The following ERICH6 variants were observed in gnomAD, a reference collection of about 807,000 sequenced individuals.
ERICH6 encodes glutamate rich 6.
A neutral mutation model predicts 71.0 loss-of-function variants in ERICH6; 71 were observed. That is an observed-to-expected ratio of 1.00 (90% CI 0.83 to 1.22). The LOEUF is 1.22. ERICH6 is among the 50% of genes most tolerant of loss of function. The probability of loss-of-function intolerance (pLI) is 0.00; values close to 1 mark genes in which losing one functional copy is unlikely to be tolerated. For missense variants in ERICH6, 808 were observed against 797.2 expected (o/e 1.01, Z -0.16); for synonymous variants, 262 against 278.4 (o/e 0.94, Z 0.59).
chr3:150,667,332 A>G (rs1472091622), intron 12 of ERICH6, among the ~76,000 whole-genome samples: 1 of 152,190 alleles, frequency 6.6e-6, no homozygotes, highest in Non-Finnish European at 1.5e-5. Context: ...AGAAGAGTAG[A>G]TTAATCCTGA....
Position 150,672,029 on chromosome 3 carries a change from G to T in ERICH6, c.1343+1927C>A, listed in dbSNP as rs564548663. Among the ~76,000 whole-genome samples the T allele has an allele frequency of 7.2e-5, 11 of 152,178 alleles. No homozygotes were observed. In the South Asian group the frequency reaches 2.3e-3, roughly 32 times the overall value. On this transcript the variant is annotated intron_variant, in intron 11 of 13. Coordinates refer to ENST00000295910, the MANE Select transcript of ERICH6 (RefSeq NM_152394.5). Reference sequence around the variant, plus strand: ...GCTGTTGTGTATAATAGCAAAAATTGTGAAACCACTTTTGTTCAGTAATAG... The same window carrying T: ...GCTGTTGTGTATAATAGCAAAAATTTTGAAACCACTTTTGTTCAGTAATAG...
intron 11 of ERICH6, among the ~76,000 whole-genome samples, chr3:150,672,753 A>G (rs1421551169): frequency 6.6e-6 from 1 of 151,572 alleles, no homozygotes; most frequent in East Asian, 1.9e-4. Flanking sequence ...GGCCAGACAC[A>G]GTGGCTCACA....
intron 3 of ERICH6, among the ~76,000 whole-genome samples, chr3:150,692,176 ATATCT>A (rs1176906594): frequency 9.9e-5 from 15 of 152,198 alleles, no homozygotes; most frequent in South Asian, 8.3e-4. Context: ...TATGGAAGTT[ATATCT>A]TATCTTATAT....
intron 3 of ERICH6, among the ~76,000 whole-genome samples, chr3:150,690,917 T>A (rs1712407750): frequency 6.6e-6 from 1 of 152,236 alleles, no homozygotes; most frequent in Admixed American, 6.5e-5. Flanking sequence ...CCATAACTTC[T>A]AATCTTGTGG....
intron 2 of ERICH6, among the ~76,000 whole-genome samples, chr3:150,699,140 A>G (rs973482496): frequency 1.3e-5 from 2 of 151,936 alleles, no homozygotes; most frequent in African/African-American, 4.8e-5. Flanking sequence ...GTGAGACCCT[A>G]TCTCTATAAA....
intron 3 of ERICH6, among the ~76,000 whole-genome samples, chr3:150,693,892 C>T (rs773468702): frequency 6.6e-6 from 1 of 152,110 alleles, no homozygotes; most frequent in Non-Finnish European, 1.5e-5. Flanking sequence ...TTTCTTCCCC[C>T]ATTTTCCCCA....
At chr3:150,681,995 A>C (rs1559915816) in intron 7 of ERICH6, among the ~76,000 whole-genome samples, 1 of 151,596 alleles carries the variant, frequency 6.6e-6, no homozygotes, top group Non-Finnish European at 1.5e-5. Context: ...TTTGTATTTT[A>C]GTAGACACAG....
intron 2 of ERICH6, among the ~76,000 whole-genome samples, chr3:150,699,822 TA>T (rs1032334371): frequency 3.3e-5 from 5 of 150,764 alleles, no homozygotes; most frequent in Admixed American, 6.6e-5. Context: ...AATCCTCCAA[TA>T]AAAAAATTCT....
chr3:150,674,168 T>C (rs529749282), intron 10 of ERICH6, 127 bp from the exon 11 acceptor site: 4 of 695,324 alleles, frequency 5.8e-6, no homozygotes, highest in Admixed American at 2.8e-5. Flanking sequence ...ATGTTGGCCC[T>C]GCTTCAACAA....
intron 13 of ERICH6, among the ~76,000 whole-genome samples, chr3:150,664,962 A>G (rs1327329466): frequency 6.6e-6 from 1 of 151,880 alleles, no homozygotes; most frequent in East Asian, 1.9e-4. Context: ...TTTGATTAAA[A>G]TTAATTTCTA....
chr3:150,674,079 C>G, intron 10 of ERICH6, 38 bp from the exon 11 acceptor site: 1 of 1,568,400 alleles, frequency 6.4e-7, no homozygotes, highest in Non-Finnish European at 8.7e-7. Flanking sequence ...TTAATTGTTT[C>G]GGACATAAAG....
At chr3:150,675,825 C>T in intron 10 of ERICH6, among the ~76,000 whole-genome samples, 2 of 148,902 alleles carry the variant, frequency 1.3e-5, no homozygotes, top group African/African-American at 4.9e-5. Flanking sequence ...ACTTTTTTTC[C>T]TCTGCTACTT....
In ERICH6 at chr3:150,666,873, C is replaced by T; in HGVS notation, c.1642G>A (p.Val548Ile). Residue 548 changes from valine to isoleucine, a missense_variant, in exon 13 of 14, where the codon GTC (valine) becomes ATC (isoleucine). By Grantham distance (29) the Val-to-Ile change is conservative. Coordinates refer to ENST00000295910, the MANE Select transcript of ERICH6 (RefSeq NM_152394.5). The part of the protein sequence containing the change: ...VFLALNRYIG[V>I]RILEQDKISI... ...ATCTTGTCTTGTTCTAAGATGCGGA[C>T]TCCAATATAACGGTTCAAAGCCAGA... The T allele has an allele frequency of 1.2e-6, 2 of 1,614,132 alleles. No individual in the cohort carries two copies. Among genetic ancestry groups the T allele is most frequent in the Non-Finnish European group, 1.7e-6 (2 of 1,180,030 alleles).
At chr3:150,671,605 A>G (rs1182495559) in intron 11 of ERICH6, among the ~76,000 whole-genome samples, 1 of 152,094 alleles carries the variant, frequency 6.6e-6, no homozygotes, top group East Asian at 1.9e-4. Context: ...TTCTAGCCCT[A>G]TATGTTTATT....
intron 3 of ERICH6, among the ~76,000 whole-genome samples, chr3:150,691,576 G>A (rs1170355195): frequency 1.3e-5 from 2 of 152,094 alleles, no homozygotes; most frequent in African/African-American, 2.4e-5. Context: ...AGAAAGGGAT[G>A]TTCAGGACAA....
At chr3:150,682,103 T>A (rs1711983643) in intron 7 of ERICH6, 115 bp downstream of exon 7, 1 of 904,882 alleles carries the variant, frequency 1.1e-6, no homozygotes, top group Admixed American at 2.3e-5. Flanking sequence ...GTGTGAGCCA[T>A]CAAGCCCGGC....
chr3:150,664,493 A>G (rs1727333415), intron 13 of ERICH6, among the ~76,000 whole-genome samples: 1 of 152,098 alleles, frequency 6.6e-6, no homozygotes, highest in Non-Finnish European at 1.5e-5. Context: ...TACTAAAAAT[A>G]CAAAATTAAC....
At chr3:150,684,591 C>G (rs868475226) in intron 6 of ERICH6, among the ~76,000 whole-genome samples, 2 of 152,192 alleles carry the variant, frequency 1.3e-5, no homozygotes, top group Admixed American at 6.5e-5. Flanking sequence ...GCCATGGCAT[C>G]CAGCCCAGGT....
chr3:150,673,729 C>T (rs2108049375), intron 11 of ERICH6, among the ~76,000 whole-genome samples: 1 of 152,266 alleles, frequency 6.6e-6, no homozygotes. Context: ...GCTGAGACTA[C>T]AGGCATGTGC....
Sources: gnomAD v4.1 joint callset for allele counts (sites outside exome capture counted in the v4.1 genomes callset) on GRCh38, gnomAD v4.1.1 for gene constraint, MANE v1.5 for transcripts, NCBI Gene and HGNC (gene_info 2026-07-23, HGNC 2026-07-21) for gene names.